ABHD2: variants seen among roughly 807,000 people sequenced by gnomAD.
ABHD2 encodes the protein monoacylglycerol lipase ABHD2.
A neutral mutation model predicts 48.1 loss-of-function variants in ABHD2; 20 were observed. That is an observed-to-expected ratio of 0.42 (90% CI 0.29 to 0.60). ABHD2 has a LOEUF of 0.60. Ranked by LOEUF, ABHD2 falls within the 20% of genes least tolerant of loss-of-function variation. The probability of loss-of-function intolerance (pLI) is 0.24; values close to 1 mark genes in which losing one functional copy is unlikely to be tolerated. For missense variants in ABHD2, 405 were observed against 550.9 expected, an observed-to-expected ratio of 0.74 and a Z score of 2.65; for synonymous variants, 209 against 214.2, an observed-to-expected ratio of 0.98 and a Z score of 0.21.
rs753571920 is a variant in ABHD2, at chr15:89,175,740, C to T, written c.539-72C>T. The T allele has an allele frequency of 9.1e-6, 14 of 1,531,544 alleles. No homozygotes were observed. The highest frequency in any genetic ancestry group is 1.2e-5 in the Non-Finnish European group (13 of 1,109,650). The allele number at this position is 1,531,544 out of a possible 1,614,324, so 94.9% of individuals were successfully genotyped here. ...TAGTATACTGGCACCCATTTAGTAA[C>T]GTTCCAGCTTGCATTTTCTCCAGAT... On this transcript the variant is annotated intron_variant, in intron 5 of 10. Coordinates refer to ENST00000352732, the MANE Select transcript of ABHD2 (RefSeq NM_152924.5). This position sits in a 1 kb window ranked among gnomAD's most constrained non-coding sequence, Gnocchi z 5.7.
chr15:89,136,938 C>G (rs773069918), intron 3 of ABHD2, among the ~76,000 whole-genome samples: 1 of 152,230 alleles, frequency 6.6e-6, no homozygotes, highest in Non-Finnish European at 1.5e-5. Context: ...CAGATGGGGA[C>G]AAGACACGGG....
chr15:89,193,048 T>C (rs2051333117), intron 9 of ABHD2, among the ~76,000 whole-genome samples, 187 bp from the exon 10 acceptor site: 1 of 152,242 alleles, frequency 6.6e-6, no homozygotes, highest in Non-Finnish European at 1.5e-5. Flanking sequence ...GTAATCACAA[T>C]GGCAGATGTA....
rs2050860453 is a variant in ABHD2, at chr15:89,167,831, C to T, written c.539-7981C>T. Among the ~76,000 whole-genome samples the T allele has an allele frequency of 6.6e-6, 1 of 152,180 alleles. No homozygotes were observed. Among genetic ancestry groups the T allele is most frequent in the Admixed American group, 6.5e-5 (1 of 15,284 alleles). On this transcript the variant is annotated intron_variant, in intron 5 of 10. Coordinates refer to ENST00000352732, the MANE Select transcript of ABHD2 (RefSeq NM_152924.5). This position sits in a 1 kb window ranked among gnomAD's most constrained non-coding sequence, Gnocchi z 5.5. ...AGGCCCCTAACCGCCCACCTGTCAG[C>T]GAGCCATGTTAGCTTAACTGTATTT... is the stretch of plus-strand genomic sequence containing the variant.
chr15:89,073,771 A>G, the ABHD2 span, among the ~76,000 whole-genome samples: 9 of 152,230 alleles, frequency 5.9e-5, no homozygotes, highest in African/African-American at 1.9e-4. Flanking sequence ...TCGATCCTAC[A>G]CATCTGTGGA....
At chr15:89,190,865 G>A (rs2051291868) in intron 8 of ABHD2, among the ~76,000 whole-genome samples, 1 of 152,102 alleles carries the variant, frequency 6.6e-6, no homozygotes, top group Non-Finnish European at 1.5e-5. Flanking sequence ...CCTGAACCTT[G>A]CTACCTGCAT....
the ABHD2 span, among the ~76,000 whole-genome samples, chr15:89,060,411 C>T: frequency 6.6e-6 from 1 of 151,780 alleles, no homozygotes; most frequent in Non-Finnish European, 1.5e-5. Context: ...AAAAAAAACA[C>T]TAACTCCTCC....
the ABHD2 span, among the ~76,000 whole-genome samples, chr15:89,041,071 A>G: frequency 2.0e-5 from 3 of 152,190 alleles, no homozygotes; most frequent in African/African-American, 4.8e-5. Context: ...TCCTCCTGGG[A>G]TGCTCCCACT....
chr15:89,051,630 T>C, the ABHD2 span, among the ~76,000 whole-genome samples: 1 of 152,182 alleles, frequency 6.6e-6, no homozygotes. Context: ...GGGCGGGTCT[T>C]TCCCGTGTTG....
In ABHD2 at chr15:89,092,867, A is replaced by G. The variant is rs1275069629; in HGVS notation, c.-107+4304A>G. On this transcript the variant is annotated intron_variant, in intron 1 of 10. Transcript: ENST00000352732. This position sits in a 1 kb window ranked among gnomAD's most constrained non-coding sequence, Gnocchi z 4.4. ...TCTGTTTTCTGTTTCTAAGGATGCT[A>G]AAAAACAGTCTTATTTAGGCAGCAG... Among the ~76,000 whole-genome samples, 1 of 152,212 alleles carries G rather than the reference A, an allele frequency of 6.6e-6. No individual in the cohort carries two copies. Among genetic ancestry groups the G allele is most frequent in the Non-Finnish European group, 1.5e-5 (1 of 68,034 alleles).
At chr15:89,069,319 G>A in the ABHD2 span, among the ~76,000 whole-genome samples, 1 of 151,672 alleles carries the variant, frequency 6.6e-6, no homozygotes, top group African/African-American at 2.4e-5. Context: ...TTAAAGATGA[G>A]GTCTCACTAT....
chr15:89,178,204 G>A (rs1282981286), intron 6 of ABHD2, among the ~76,000 whole-genome samples: 1 of 152,228 alleles, frequency 6.6e-6, no homozygotes, highest in Non-Finnish European at 1.5e-5. Context: ...CTGCATATGG[G>A]AACTGGCACC....
chr15:89,049,180 T>A, the ABHD2 span, among the ~76,000 whole-genome samples: 1 of 151,744 alleles, frequency 6.6e-6, no homozygotes, highest in Non-Finnish European at 1.5e-5. Context: ...TGCTGGGGGG[T>A]GCCTCCCAGT....
the ABHD2 span, among the ~76,000 whole-genome samples, chr15:89,054,343 TA>T: frequency 6.7e-6 from 1 of 150,292 alleles, no homozygotes; most frequent in Admixed American, 6.6e-5. Context: ...AAAGGATTTT[TA>T]AAAAAGAATT....
At chr15:89,088,386 G>C (rs1400142175), upstream of ABHD2, 2 of 153,138 alleles carry the variant, frequency 1.3e-5, no homozygotes, top group African/African-American at 4.8e-5. The surrounding 1 kb of genome is among the most constrained non-coding windows in gnomAD (Gnocchi z 6.8). Flanking sequence ...CCGTGGTTAG[G>C]GGCGTGGCAG....
At chr15:89,062,430 C>T in the ABHD2 span, among the ~76,000 whole-genome samples, 13 of 151,882 alleles carry the variant, frequency 8.6e-5, no homozygotes, top group African/African-American at 2.9e-4. Context: ...TGTCGCCCAG[C>T]CTGTAGTGCA....
upstream of ABHD2, among the ~76,000 whole-genome samples, chr15:89,085,829 T>A (rs1901336759): frequency 6.6e-6 from 1 of 152,198 alleles, no homozygotes; most frequent in African/African-American, 2.4e-5. The surrounding 1 kb of genome is among the most constrained non-coding windows in gnomAD (Gnocchi z 4.2). Flanking sequence ...TTTCAGGGCC[T>A]AACAAGACAT....
intron 6 of ABHD2, chr15:89,183,384 A>AAAAATATATATATAT (rs61602174): frequency 1.1e-4 from 5 of 46,270 alleles, no homozygotes; most frequent in African/African-American, 2.1e-4. Flanking sequence ...AAAAAAAAAA[A>AAAAATATATATATAT]ATATATATAT....
Position 89,151,622 on chromosome 15 carries a change from C to G in ABHD2, c.195-55C>G. On this transcript the variant is annotated intron_variant, in intron 3 of 10. Coordinates refer to ENST00000352732, the MANE Select transcript of ABHD2 (RefSeq NM_152924.5). This position sits in a 1 kb window ranked among gnomAD's most constrained non-coding sequence, Gnocchi z 4.7. Reference sequence around the variant, plus strand: ...GAAAGAGTTTTGCTAAAAGATTTTTCAGAACGTTGCTCAAGGAATGTAGAG... The same window carrying G: ...GAAAGAGTTTTGCTAAAAGATTTTTGAGAACGTTGCTCAAGGAATGTAGAG... The G allele has an allele frequency of 6.5e-7, 1 of 1,544,228 alleles. No individual in the cohort carries two copies. The highest frequency in any genetic ancestry group is 8.7e-7 in the Non-Finnish European group (1 of 1,143,152).
Position 89,201,899 on chromosome 15 carries a change from T to C in ABHD2, c.*6476T>C. ...AGCGAGTTCGCATCTCTCCTTTTCCTGGTTAGACTCTGTTCAACCACATTC... is the reference window on the plus strand; with the variant it reads ...AGCGAGTTCGCATCTCTCCTTTTCCCGGTTAGACTCTGTTCAACCACATTC... On this transcript the variant is annotated 3_prime_UTR_variant, in exon 11 of 11. Transcript: ENST00000352732. 7.9e-6 allele frequency: 5 copies of C among 634,392 alleles called. No individual in the cohort carries two copies. In the South Asian group the frequency reaches 9.4e-5, roughly 12 times the overall value. 39.3% of individuals were successfully genotyped at this position (634,392 alleles called of 1,614,324 possible). A position where few individuals can be genotyped will look rare whatever the true frequency, so the allele number is the denominator to read the frequency against.
Sources: gnomAD v4.1 joint callset for allele counts (sites outside exome capture counted in the v4.1 genomes callset) on GRCh38, gnomAD v4.1.1 for gene constraint, Gnocchi (gnomAD v3.1) non-coding constraint, MANE v1.5 for transcripts, NCBI Gene and HGNC (gene_info 2026-07-23, HGNC 2026-07-21) for gene names.